Variants in YWHAQ observed in about 807,000 individuals in gnomAD.
The protein encoded by YWHAQ is 14-3-3 protein theta.
YWHAQ carries 6 observed loss-of-function variants against 28.3 expected under a neutral mutation model. The ratio of observed to expected loss-of-function variants is 0.21; its 90% CI spans 0.12 to 0.42. YWHAQ has a LOEUF of 0.42. YWHAQ is among the 10% of genes least tolerant of loss of function. The pLI is 1.00. For missense variants in YWHAQ, 201 were observed against 305.6 expected (o/e 0.66, Z 2.55); for synonymous variants, 143 against 119.1 (o/e 1.20, Z -1.31).
At chr2:9,596,544 T>G (rs965333020) in intron 2 of YWHAQ, among the ~76,000 whole-genome samples, 9 of 152,216 alleles carry the variant, frequency 5.9e-5, no homozygotes, top group African/African-American at 2.2e-4. Flanking sequence ...CCTAATAGTT[T>G]ACTGAGGTTC....
chr2:9,615,942 T>C (rs1036615085), intron 2 of YWHAQ, among the ~76,000 whole-genome samples: 1 of 152,152 alleles, frequency 6.6e-6, no homozygotes, highest in Non-Finnish European at 1.5e-5. Flanking sequence ...AACTGCACAC[T>C]GGATGGTGCT....
In YWHAQ at chr2:9,630,190, G is replaced by A. The variant is rs1228772598; in HGVS notation, c.263C>T (p.Ser88Phe). 2 of 1,613,896 alleles carry A rather than the reference G, an allele frequency of 1.2e-6. No individual in the cohort carries two copies. The highest frequency in any genetic ancestry group is 1.7e-5 in the Admixed American group (1 of 60,028). The change falls in exon 2 of 6, where the codon TCC becomes TTC. Residue 88 changes from serine (S) to phenylalanine (F), a missense_variant. Transcript: ENST00000238081. The surrounding 1 kb of genome is among the most constrained non-coding windows in gnomAD (Gnocchi z 5.6). ...LIKDYREKVE[S>F]ELRSICTTVL... Reference sequence around the variant, plus strand: ...CGTGGTGCAGATGGATCTCAGCTCGGACTCCACTTTCTCCCGATAGTCCTT... The same window carrying A: ...CGTGGTGCAGATGGATCTCAGCTCGAACTCCACTTTCTCCCGATAGTCCTT...
chr2:9,610,530 CAG>C (rs1666923660), intron 2 of YWHAQ, among the ~76,000 whole-genome samples: 1 of 151,976 alleles, frequency 6.6e-6, no homozygotes, highest in Non-Finnish European at 1.5e-5. Flanking sequence ...TTTTTTGAGA[CAG>C]AGTTTCATTC....
At chr2:9,608,248 T>C (rs571389903) in intron 2 of YWHAQ, among the ~76,000 whole-genome samples, 2 of 152,086 alleles carry the variant, frequency 1.3e-5, no homozygotes, top group African/African-American at 4.8e-5. Flanking sequence ...AGAAAAAACA[T>C]ACAGTAGAGC....
At chr2:9,599,677 A>G (rs1004433489) in intron 2 of YWHAQ, among the ~76,000 whole-genome samples, 21 of 152,018 alleles carry the variant, frequency 1.4e-4, no homozygotes, top group African/African-American at 5.1e-4. Context: ...TACTGCTCAG[A>G]AAAAAAAGAT....
Position 9,597,985 on chromosome 2 carries a change from ATTTTTTT to A in YWHAQ, c.295-6477_295-6471del, listed in dbSNP as rs547582835. On this transcript the variant is annotated intron_variant, in intron 2 of 5. Transcript: ENST00000238081. Reference sequence around the variant, plus strand: ...CAGGCATGCACCACCATGCCGGGCTATTTTTTTTTTTTTTTTTTTTTTTTTTTTAGTA... The same window carrying A: ...CAGGCATGCACCACCATGCCGGGCTATTTTTTTTTTTTTTTTTTTTTAGTA... Among the ~76,000 whole-genome samples, 337 of 62,480 alleles carry A rather than the reference ATTTTTTT, an allele frequency of 5.4e-3. 2 individuals are homozygous for A. The highest frequency in any genetic ancestry group is 0.019 in the African/African-American group (312 of 16,680). 41.0% of individuals were successfully genotyped at this position (62,480 alleles called of 152,430 possible). A position where few individuals can be genotyped will look rare whatever the true frequency, so the allele number is the denominator to read the frequency against.
rs190560747 is a variant in YWHAQ, at chr2:9,604,781, T to C, written c.295-13266A>G. 1.5e-3 allele frequency among the ~76,000 whole-genome samples: 225 copies of C among 147,898 alleles called. 1 individual carries two copies. The highest frequency in any genetic ancestry group is 5.3e-3 in the African/African-American group (217 of 41,262). On this transcript the variant is annotated intron_variant, in intron 2 of 5. Coordinates refer to ENST00000238081, the MANE Select transcript of YWHAQ (RefSeq NM_006826.4). The stretch of plus-strand genomic sequence containing the variant: ...TTCCCCTCAGATACAGAGCGATGGT[T>C]ATAATAAAAAAAAATTCTCCAGTTT...
rs765018439 is a variant in YWHAQ, at chr2:9,593,919, T to TAC, written c.295-2405_295-2404insGT. Among the ~76,000 whole-genome samples, 581 of 124,954 alleles carry TAC rather than the reference T, an allele frequency of 4.6e-3. 7 individuals are homozygous for TAC. The highest frequency in any genetic ancestry group is 0.021 in the African/African-American group (530 of 25,224). 82.0% of individuals were successfully genotyped at this position (124,954 alleles called of 152,430 possible). ...AGATTAAAAAAAATATATATATATA[T>TAC]ATATACACACACACACACACACACT... On this transcript the variant is annotated intron_variant, in intron 2 of 5. Coordinates refer to ENST00000238081, the MANE Select transcript of YWHAQ (RefSeq NM_006826.4).
At chr2:9,624,150 G>A (rs1667199533) in intron 2 of YWHAQ, among the ~76,000 whole-genome samples, 1 of 152,168 alleles carries the variant, frequency 6.6e-6, no homozygotes, top group African/African-American at 2.4e-5. Context: ...CAGCTACTCC[G>A]GATGCTGAGG....
In YWHAQ at chr2:9,585,223, A is replaced by C. The variant is rs1666318470; in HGVS notation, c.*63T>G. ...CTTTGCTATAGGAAATCCAAGTGGA[A>C]TAAGGAATGGAGATGTGTAAAAAGG... On this transcript the variant is annotated 3_prime_UTR_variant, in exon 6 of 6. Transcript: ENST00000238081. 1 of 1,572,076 alleles carries C rather than the reference A, an allele frequency of 6.4e-7. No homozygotes were observed. Among genetic ancestry groups the C allele is most frequent in the Non-Finnish European group, 8.7e-7 (1 of 1,143,180 alleles).
At chr2:9,627,815 A>G (rs60319753) in intron 2 of YWHAQ, among the ~76,000 whole-genome samples, 24,372 of 152,096 alleles carry the variant, frequency 0.16, 2,369 homozygotes, top group Middle Eastern at 0.24. Context: ...CTCCAGCCAC[A>G]CCGACACACT....
chr2:9,619,401 A>G (rs1174419324), intron 2 of YWHAQ, among the ~76,000 whole-genome samples: 1 of 151,986 alleles, frequency 6.6e-6, no homozygotes, highest in East Asian at 1.9e-4. Flanking sequence ...GGCATGAAAA[A>G]CCCTAACAAT....
chr2:9,625,496 C>T (rs1267707710), intron 2 of YWHAQ, among the ~76,000 whole-genome samples: 1 of 152,184 alleles, frequency 6.6e-6, no homozygotes, highest in African/African-American at 2.4e-5. Context: ...CAGAAATTCA[C>T]ACCATGGTCT....
intron 2 of YWHAQ, among the ~76,000 whole-genome samples, chr2:9,594,670 A>G (rs893576813): frequency 1.3e-5 from 2 of 152,192 alleles, no homozygotes; most frequent in African/African-American, 4.8e-5. Flanking sequence ...CTCCAAAAAG[A>G]TGCCAGCTCT....
chr2:9,598,922 G>C (rs146816438), intron 2 of YWHAQ, among the ~76,000 whole-genome samples: 1 of 152,190 alleles, frequency 6.6e-6, no homozygotes, highest in Non-Finnish European at 1.5e-5. Flanking sequence ...AGTGAGGAAG[G>C]CATGTCGAAA....
chr2:9,628,943 A>G (rs955419054), intron 2 of YWHAQ: 1 of 151,368 alleles, frequency 6.6e-6, no homozygotes, highest in Non-Finnish European at 1.5e-5. Context: ...ATCGCCTGTC[A>G]TCGTATTAGA....
chr2:9,629,612 C>T (rs892720725), intron 2 of YWHAQ, among the ~76,000 whole-genome samples: 2 of 152,120 alleles, frequency 1.3e-5, no homozygotes, highest in African/African-American at 4.8e-5. Flanking sequence ...GTCCTTTTCA[C>T]ATTTCCCGAA....
chr2:9,614,772 AGGC>A (rs1667013693), intron 2 of YWHAQ, among the ~76,000 whole-genome samples: 1 of 152,202 alleles, frequency 6.6e-6, no homozygotes, highest in Non-Finnish European at 1.5e-5. Flanking sequence ...CATTATTTGC[AGGC>A]TAACTTTTCC....
intron 2 of YWHAQ, among the ~76,000 whole-genome samples, chr2:9,615,615 C>T (rs998781853): frequency 2.0e-5 from 3 of 152,066 alleles, no homozygotes; most frequent in African/African-American, 7.2e-5. Context: ...GTAATTATTC[C>T]TTCCCCAAGT....
Sources: gnomAD v4.1 joint callset for allele counts (sites outside exome capture counted in the v4.1 genomes callset) on GRCh38, gnomAD v4.1.1 for gene constraint, Gnocchi (gnomAD v3.1) non-coding constraint, MANE v1.5 for transcripts, NCBI Gene and HGNC (gene_info 2026-07-23, HGNC 2026-07-21) for gene names.